The following F13A1 variants were observed in gnomAD, a reference collection of about 807,000 sequenced individuals.
F13A1 encodes the protein coagulation factor XIII A chain.
A neutral mutation model predicts 80.1 loss-of-function variants in F13A1; 47 were observed. The observed-to-expected ratio is 0.59, with a 90% confidence interval of 0.46 to 0.75. The LOEUF is 0.75. F13A1 is among the 30% of genes least tolerant of loss of function. F13A1 has a pLI of 0.00. For missense variants in F13A1, 817 were observed against 930.4 expected, an observed-to-expected ratio of 0.88 and a Z score of 1.59; for synonymous variants, 349 against 344.9, an observed-to-expected ratio of 1.01 and a Z score of -0.13.
intron 6 of F13A1, among the ~76,000 whole-genome samples, chr6:6,235,110 T>G (rs1385180041): frequency 6.6e-6 from 1 of 152,046 alleles, no homozygotes; most frequent in Non-Finnish European, 1.5e-5. Flanking sequence ...CTTTGATTCA[T>G]ACCTTGCACC....
At chr6:6,240,171 T>C (rs1047784052) in intron 6 of F13A1, among the ~76,000 whole-genome samples, 3 of 152,156 alleles carry the variant, frequency 2.0e-5, no homozygotes, top group African/African-American at 7.2e-5. Flanking sequence ...GACATTTAGA[T>C]TGCCCATGAT....
At chr6:6,252,896 T>C (rs1029855918) in intron 4 of F13A1, among the ~76,000 whole-genome samples, 1 of 152,096 alleles carries the variant, frequency 6.6e-6, no homozygotes, top group African/African-American at 2.4e-5. Context: ...TGGTGGCTCA[T>C]GCTTGTAATC....
chr6:6,193,754 G>A (rs563087538), intron 10 of F13A1, among the ~76,000 whole-genome samples: 1 of 152,270 alleles, frequency 6.6e-6, no homozygotes, highest in South Asian at 2.1e-4. Context: ...CAGCAATAAA[G>A]TGTAATAAAA....
intron 3 of F13A1, among the ~76,000 whole-genome samples, chr6:6,296,227 G>A (rs1284001646): frequency 2.6e-5 from 4 of 151,884 alleles, no homozygotes; most frequent in South Asian, 4.1e-4. Flanking sequence ...TTGGCAATGC[G>A]GGCTCTTTTT....
chr6:6,263,232 C>T (rs2113119490), intron 4 of F13A1, among the ~76,000 whole-genome samples: 1 of 152,334 alleles, frequency 6.6e-6, no homozygotes, highest in East Asian at 1.9e-4. Context: ...TACTTTCTCG[C>T]CTCCTGTTTA....
At chr6:6,262,352 ATGT>A (rs2113118146) in intron 4 of F13A1, among the ~76,000 whole-genome samples, 1 of 152,290 alleles carries the variant, frequency 6.6e-6, no homozygotes, top group East Asian at 1.9e-4. Flanking sequence ...GCATTCACAG[ATGT>A]TGTGTGTGGC....
At position 6,267,225 on chromosome 6, in the gene F13A1, G is replaced by A. The variant is rs114716185; in HGVS notation, c.320-416C>T. On this transcript the variant is annotated intron_variant, in intron 3 of 14. Coordinates refer to ENST00000264870, the MANE Select transcript of F13A1 (RefSeq NM_000129.4). Reference sequence around the variant, plus strand: ...CTTAATGAAAATAATAATTTACACAGTGCAAACCACTGAGAAAGATTAGAA... The same window carrying A: ...CTTAATGAAAATAATAATTTACACAATGCAAACCACTGAGAAAGATTAGAA... Among the ~76,000 whole-genome samples the A allele has an allele frequency of 2.7e-3, 410 of 152,244 alleles. 4 individuals are homozygous for A. Among genetic ancestry groups the A allele is most frequent in the African/African-American group, 9.2e-3 (384 of 41,566 alleles).
intron 6 of F13A1, among the ~76,000 whole-genome samples, chr6:6,225,253 TC>T (rs2113064269): frequency 6.6e-6 from 1 of 152,226 alleles, no homozygotes; most frequent in East Asian, 1.9e-4. Context: ...AGGGAACTTG[TC>T]TTGGTGGAAA....
Position 6,295,430 on chromosome 6 carries a change from T to C in F13A1, c.319+9921A>G, listed in dbSNP as rs1420888616. On this transcript the variant is annotated intron_variant, in intron 3 of 14. Coordinates refer to ENST00000264870, the MANE Select transcript of F13A1 (RefSeq NM_000129.4). ...TGTTGTTTCCTGACTTTTTAATGAT[T>C]GCCATTCTAACTGGTGTGAGATGGC... Among the ~76,000 whole-genome samples, 126 of 147,530 alleles carry C rather than the reference T, an allele frequency of 8.5e-4. 2 individuals are homozygous for C. The highest frequency in any genetic ancestry group is 1.6e-3 in the Non-Finnish European group (105 of 67,446).
At chr6:6,265,475 G>A (rs1423567556) in intron 4 of F13A1, among the ~76,000 whole-genome samples, 1 of 152,164 alleles carries the variant, frequency 6.6e-6, no homozygotes, top group South Asian at 2.1e-4. Flanking sequence ...CAGGGGAGAG[G>A]TATGAAAGGG....
chr6:6,160,092 C>T (rs1003301901), intron 13 of F13A1, among the ~76,000 whole-genome samples: 5 of 151,730 alleles, frequency 3.3e-5, no homozygotes, highest in East Asian at 2.0e-4. Context: ...GCCTGGCCAA[C>T]GTGGTGAAAC....
intron 8 of F13A1, among the ~76,000 whole-genome samples, chr6:6,204,563 G>T (rs1431358647): frequency 6.6e-6 from 1 of 152,210 alleles, no homozygotes; most frequent in Non-Finnish European, 1.5e-5. Flanking sequence ...GGACATCCTG[G>T]ATTATTAAGC....
intron 11 of F13A1, among the ~76,000 whole-genome samples, chr6:6,176,449 G>A (rs1012876176): frequency 3.3e-5 from 5 of 152,186 alleles, no homozygotes; most frequent in African/African-American, 1.2e-4. Context: ...GGTTTATTAG[G>A]TGAATTAGAG....
intron 6 of F13A1, among the ~76,000 whole-genome samples, chr6:6,232,553 A>G (rs1367999971): frequency 1.3e-5 from 2 of 152,208 alleles, no homozygotes; most frequent in Non-Finnish European, 2.9e-5. Context: ...ATCAAGACAG[A>G]AAGTCAACAA....
chr6:6,239,953 C>T (rs774299340), intron 6 of F13A1, among the ~76,000 whole-genome samples: 2 of 152,136 alleles, frequency 1.3e-5, no homozygotes, highest in African/African-American at 4.8e-5. Context: ...TGAAGCTGTG[C>T]ATATCCTAAA....
At chr6:6,212,345 C>T (rs1326678840) in intron 8 of F13A1, among the ~76,000 whole-genome samples, 2 of 151,800 alleles carry the variant, frequency 1.3e-5, no homozygotes, top group Non-Finnish European at 2.9e-5. Context: ...AAGGGGCAGA[C>T]TGCCTCCTCA....
intron 8 of F13A1, among the ~76,000 whole-genome samples, chr6:6,212,872 A>C (rs867611012): frequency 0.021 from 3,217 of 151,312 alleles, 87 homozygotes; most frequent in African/African-American, 0.072. Context: ...TCGAGAACTA[A>C]GTGAAGAATG....
chr6:6,306,963 T>C (rs1173861340), intron 2 of F13A1, among the ~76,000 whole-genome samples: 1 of 152,250 alleles, frequency 6.6e-6, no homozygotes, highest in Non-Finnish European at 1.5e-5. Flanking sequence ...CAGGAGTTCC[T>C]GAAACACTGC....
At chr6:6,181,876 T>C (rs1046818677) in intron 11 of F13A1, 112 bp downstream of exon 11, 7 of 1,178,732 alleles carry the variant, frequency 5.9e-6, no homozygotes, top group Non-Finnish European at 8.8e-6. Flanking sequence ...CTGCTGTTGC[T>C]ACCAAATGCT....
Sources: gnomAD v4.1 joint callset for allele counts (sites outside exome capture counted in the v4.1 genomes callset) on GRCh38, gnomAD v4.1.1 for gene constraint, MANE v1.5 for transcripts, NCBI Gene and HGNC (gene_info 2026-07-23, HGNC 2026-07-21) for gene names.